Variants in GTF2E1 observed in about 807,000 individuals in gnomAD.
The protein encoded by GTF2E1 is general transcription factor IIE subunit 1.
In GTF2E1, 14 loss-of-function variants were observed where a neutral mutation model predicts 34.9. The observed-to-expected ratio is 0.40, with a 90% CI of 0.27 to 0.63. GTF2E1 has a LOEUF of 0.63. GTF2E1 is among the 20% of genes least tolerant of loss of function. GTF2E1 has a pLI of 0.39. For synonymous variants in GTF2E1, 188 were observed against 192.9 expected (o/e 0.97, Z 0.21); for missense variants, 469 against 557.7 (o/e 0.84, Z 1.60).
At chr3:120,769,563 A>G (rs1358098948) in intron 2 of GTF2E1, among the ~76,000 whole-genome samples, 2 of 152,194 alleles carry the variant, frequency 1.3e-5, no homozygotes, top group Non-Finnish European at 2.9e-5. Flanking sequence ...GGTGACAAGA[A>G]CAGAGTGACG....
chr3:120,745,939 G>C (rs1055611591), intron 1 of GTF2E1, among the ~76,000 whole-genome samples: 3 of 152,092 alleles, frequency 2.0e-5, no homozygotes, highest in Admixed American at 6.5e-5. Context: ...TCACAGATTT[G>C]GATCTAGGTG....
Position 120,776,773 on chromosome 3 carries a change from A to G in GTF2E1, c.892+109A>G, listed in dbSNP as rs1576363543. ...TCTGGATCTGTTCTACAGAACAATT[A>G]ATTGCATTATATTAGGAAGTAAGAA... On this transcript the variant is annotated intron_variant, in intron 4 of 4. Transcript: ENST00000283875. 16 of 921,776 alleles carry G rather than the reference A, an allele frequency of 1.7e-5. No homozygotes were observed. The South Asian group carries it at 2.7e-4, about 16-fold the overall frequency. 57.1% of individuals were successfully genotyped at this position (921,776 alleles called of 1,614,324 possible).
At chr3:120,765,533 G>A (rs1000493286) in intron 2 of GTF2E1, among the ~76,000 whole-genome samples, 1 of 152,212 alleles carries the variant, frequency 6.6e-6, no homozygotes, top group Non-Finnish European at 1.5e-5. Context: ...TGGCAGGGCT[G>A]ATAGGAAGTT....
chr3:120,773,272 T>C (rs1333415167), intron 3 of GTF2E1, among the ~76,000 whole-genome samples: 1 of 152,118 alleles, frequency 6.6e-6, no homozygotes, highest in Non-Finnish European at 1.5e-5. Flanking sequence ...TTCTGTACTA[T>C]AGGAGTATGA....
At position 120,782,293 on chromosome 3, in the gene GTF2E1, G is replaced by C. The variant is rs1458678748; in HGVS notation, c.*823G>C. 6.6e-6 allele frequency: 1 copy of C among 152,208 alleles called. No homozygotes were observed. Among genetic ancestry groups the C allele is most frequent in the East Asian group, 1.9e-4 (1 of 5,194 alleles). 9.4% of individuals were successfully genotyped at this position (152,208 alleles called of 1,614,324 possible). On this transcript the variant is annotated 3_prime_UTR_variant, in exon 5 of 5. Transcript: ENST00000283875. ...GATCAATATGTAAGGGGAGGTGGGAGCGTGTGTGGAAGGGGGAGAGATATA... is the reference window on the plus strand; with the variant it reads ...GATCAATATGTAAGGGGAGGTGGGACCGTGTGTGGAAGGGGGAGAGATATA...
At chr3:120,762,246 T>C (rs999590181) in intron 2 of GTF2E1, among the ~76,000 whole-genome samples, 45 of 152,198 alleles carry the variant, frequency 3.0e-4, no homozygotes, top group African/African-American at 1.0e-3. Flanking sequence ...GGTCTAGAGC[T>C]GAGTTCAAGT....
chr3:120,769,860 TAAG>T (rs1709338355), intron 2 of GTF2E1, among the ~76,000 whole-genome samples: 1 of 152,126 alleles, frequency 6.6e-6, no homozygotes, highest in Admixed American at 6.6e-5. Flanking sequence ...ATTTAGACAA[TAAG>T]AAGATGTATT....
At chr3:120,743,668 T>TA (rs1334574632) in intron 1 of GTF2E1, among the ~76,000 whole-genome samples, 1 of 152,140 alleles carries the variant, frequency 6.6e-6, no homozygotes, top group Admixed American at 6.5e-5. Flanking sequence ...CATGAGGAAA[T>TA]ATCATTTGAG....
chr3:120,750,111 A>G (rs917740285), intron 1 of GTF2E1, among the ~76,000 whole-genome samples: 2 of 152,226 alleles, frequency 1.3e-5, no homozygotes, highest in Non-Finnish European at 2.9e-5. Flanking sequence ...GAATCTTGGT[A>G]GAAAAATTTT....
chr3:120,750,727 C>G lies in GTF2E1; in HGVS notation c.175C>G (p.Leu59Val). The G allele has an allele frequency of 6.2e-7, 1 of 1,613,976 alleles. No individual in the cohort carries two copies. The highest frequency in any genetic ancestry group is 8.5e-7 in the Non-Finnish European group (1 of 1,179,922). Residue 59 changes from leucine to valine, a missense_variant, in exon 2 of 5, where the codon CTT (leucine) becomes GTT (valine). Physicochemically the swap from Leu to Val is conservative, Grantham distance 32. Coordinates refer to ENST00000283875, the MANE Select transcript of GTF2E1 (RefSeq NM_005513.3). ...LELLKFDRKQ[L>V]RSVLNNLKGD... ...GCTGCTCAAGTTTGATCGGAAGCAA[C>G]TTCGATCAGTTTTGAATAATTTAAA...
intron 1 of GTF2E1, among the ~76,000 whole-genome samples, chr3:120,743,325 T>A (rs1009310862): frequency 2.0e-5 from 3 of 152,164 alleles, no homozygotes; most frequent in Non-Finnish European, 4.4e-5. Context: ...CTGAATTTGA[T>A]CCACGCACCT....
intron 3 of GTF2E1, among the ~76,000 whole-genome samples, chr3:120,776,177 TTATATACATCA>T (rs1235844784): frequency 6.6e-6 from 1 of 152,162 alleles, no homozygotes; most frequent in Non-Finnish European, 1.5e-5. Context: ...CCTCAGTCAT[TTATATACATCA>T]GAGGATCCCA....
chr3:120,750,621 G>A lies in GTF2E1; in HGVS notation c.69G>A (p.Arg23=). The change falls in exon 2 of 5, where the codon CGG becomes CGA. Residue 23 remains arginine (R), a synonymous_variant. Transcript: ENST00000283875. ...AGCGGTTAGCCAAGTATGTGATCCG[G>A]GGATTTTATGGCATTGAGCATGCCT... ...ALKRLAKYVI[R]GFYGIEHALA... is the part of the protein sequence containing the mutation. 1 of 1,614,014 alleles carries A rather than the reference G, an allele frequency of 6.2e-7. No homozygotes were observed. The highest frequency in any genetic ancestry group is 8.5e-7 in the Non-Finnish European group (1 of 1,179,948).
In GTF2E1 at chr3:120,781,478, C is replaced by G. The variant is rs772265595; in HGVS notation, c.*8C>G. 6.3e-7 allele frequency: 1 copy of G among 1,598,170 alleles called. No individual in the cohort carries two copies. The highest frequency in any genetic ancestry group is 1.3e-5 in the African/African-American group (1 of 74,614). On this transcript the variant is annotated 3_prime_UTR_variant, in exon 5 of 5. Coordinates refer to ENST00000283875, the MANE Select transcript of GTF2E1 (RefSeq NM_005513.3). ...GAGGACCTCTTTGAGTGAGCTTTCC[C>G]TAATTCTTTCTCCTTTCTCTAATGC...
In GTF2E1 at chr3:120,776,669, G is replaced by A. The variant is rs765779076; in HGVS notation, c.892+5G>A. 1.9e-6 allele frequency: 3 copies of A among 1,610,358 alleles called. No individual in the cohort carries two copies. The highest frequency in any genetic ancestry group is 2.5e-6 in the Non-Finnish European group (3 of 1,178,716). On this transcript the variant is annotated splice_donor_5th_base_variant and intron_variant, in intron 4 of 4. Transcript: ENST00000283875. ...GTTCTGAAGATATGAAAGAAGGTAA[G>A]AGTAGAAGTCAGTAAAATGGATGTG...
Position 120,781,668 on chromosome 3 carries a change from C to T in GTF2E1, c.*198C>T. On this transcript the variant is annotated 3_prime_UTR_variant, in exon 5 of 5. Coordinates refer to ENST00000283875, the MANE Select transcript of GTF2E1 (RefSeq NM_005513.3). ...AAGGTAGGGTGCTGAGAATCCTACC[C>T]TTCCTTGCTGTCACTACAGTATTAA... 1 of 580,256 alleles carries T rather than the reference C, an allele frequency of 1.7e-6. No homozygotes were observed. Among genetic ancestry groups the T allele is most frequent in the South Asian group, 2.2e-5 (1 of 44,578 alleles). 35.9% of individuals were successfully genotyped at this position (580,256 alleles called of 1,614,324 possible). A position where few individuals can be genotyped will look rare whatever the true frequency, so the allele number is the denominator to read the frequency against.
chr3:120,776,927 G>A (rs1161926945), intron 4 of GTF2E1, among the ~76,000 whole-genome samples: 1 of 151,906 alleles, frequency 6.6e-6, no homozygotes, highest in Non-Finnish European at 1.5e-5. Flanking sequence ...TTAATTTCTT[G>A]GAAAAATGCT....
In GTF2E1 at chr3:120,781,381, C is replaced by T. The variant is rs144661940; in HGVS notation, c.1231C>T (p.Arg411Trp). The part of the protein sequence containing the change: ...RPFSYSEVSQ[R>W]PELVAQMTPE... ...GTTCTCCTACAGTGAAGTGAGCCAA[C>T]GGCCAGAGCTAGTGGCCCAGATGAC... is the stretch of plus-strand genomic sequence containing the variant. The change falls in exon 5 of 5, where the codon CGG (arginine) becomes TGG (tryptophan). Residue 411 changes from arginine (R) to tryptophan (W), a missense_variant. Coordinates refer to ENST00000283875, the MANE Select transcript of GTF2E1 (RefSeq NM_005513.3). The T allele has an allele frequency of 1.7e-5, 27 of 1,613,926 alleles. No homozygotes were observed. In the Admixed American group the frequency reaches 3.2e-4, roughly 19 times the overall value.
At chr3:120,773,581 A>G (rs6769985) in intron 3 of GTF2E1, among the ~76,000 whole-genome samples, 39,134 of 151,932 alleles carry the variant, frequency 0.26, 5,786 homozygotes, top group Non-Finnish European at 0.33. Flanking sequence ...AAATCTTCCT[A>G]TCTTTCTAGA....
Sources: allele counts gnomAD v4.1 joint callset (sites outside exome capture counted in the v4.1 genomes callset), GRCh38; gene constraint gnomAD v4.1.1; transcripts MANE v1.5; gene names NCBI Gene and HGNC (gene_info 2026-07-23, HGNC 2026-07-21).